The following TTC28 variants were observed in gnomAD, a reference collection of about 807,000 sequenced individuals.
TTC28 encodes tetratricopeptide repeat protein 28.
In TTC28, 61 loss-of-function variants were observed where a neutral mutation model predicts 198.0. The ratio of observed to expected loss-of-function variants is 0.31; its 90% CI spans 0.25 to 0.38. TTC28 has a LOEUF of 0.38. Among genes scored for constraint, TTC28 ranks in the 10% least tolerant of loss-of-function variants. The probability of loss-of-function intolerance (pLI) is 1.00; values close to 1 mark genes in which losing one functional copy is unlikely to be tolerated. For missense variants in TTC28, 2,678 were observed against 3,164.0 expected (o/e 0.85, Z 3.69); for synonymous variants, 1,171 against 1,297.8 (o/e 0.90, Z 2.10).
At chr22:28,335,038 G>A (rs915797077) in intron 2 of TTC28, among the ~76,000 whole-genome samples, 1 of 152,136 alleles carries the variant, frequency 6.6e-6, no homozygotes, top group Non-Finnish European at 1.5e-5. Context: ...TGTACAAGGT[G>A]TAAGGAAGGG....
At chr22:28,053,530 T>C (rs913012009) in intron 12 of TTC28, among the ~76,000 whole-genome samples, 3 of 152,168 alleles carry the variant, frequency 2.0e-5, no homozygotes, top group Non-Finnish European at 4.4e-5. Flanking sequence ...GCAAGGGAAA[T>C]AACAGCTTAG....
intron 1 of TTC28, among the ~76,000 whole-genome samples, chr22:28,673,523 C>A (rs1039120893): frequency 6.6e-6 from 1 of 152,146 alleles, no homozygotes; most frequent in Non-Finnish European, 1.5e-5. Flanking sequence ...GGACGTAGTT[C>A]AGAAAATGTT....
At chr22:28,340,209 C>T (rs975867404) in intron 2 of TTC28, among the ~76,000 whole-genome samples, 14 of 152,084 alleles carry the variant, frequency 9.2e-5, no homozygotes, top group Non-Finnish European at 2.1e-4. Flanking sequence ...TCTGGGGCTT[C>T]GTTCCATCAT....
At chr22:28,159,911 C>T (rs1418458369) in intron 6 of TTC28, among the ~76,000 whole-genome samples, 1 of 152,156 alleles carries the variant, frequency 6.6e-6, no homozygotes, top group Non-Finnish European at 1.5e-5. Context: ...CTGTCATCTG[C>T]AACAATATTG....
intron 2 of TTC28, among the ~76,000 whole-genome samples, chr22:28,447,738 A>G (rs1289152301): frequency 6.6e-6 from 1 of 152,216 alleles, no homozygotes; most frequent in Non-Finnish European, 1.5e-5. Flanking sequence ...GAAGGGAGAA[A>G]ATATATTTAT....
chr22:28,209,581 G>C (rs1313456719), intron 5 of TTC28, among the ~76,000 whole-genome samples: 1 of 152,194 alleles, frequency 6.6e-6, no homozygotes, highest in Non-Finnish European at 1.5e-5. Context: ...CAGCAGCGAG[G>C]CTGGGGGAGG....
At chr22:28,025,030 T>A (rs1425029944) in intron 13 of TTC28, among the ~76,000 whole-genome samples, 1 of 152,170 alleles carries the variant, frequency 6.6e-6, no homozygotes, top group African/African-American at 2.4e-5. Flanking sequence ...AAGCTGGGTA[T>A]GCAATCTTGG....
At chr22:28,616,322 T>C (rs1406405350) in intron 2 of TTC28, among the ~76,000 whole-genome samples, 2 of 152,206 alleles carry the variant, frequency 1.3e-5, no homozygotes, top group East Asian at 3.9e-4. Flanking sequence ...CTCACAAGAT[T>C]ATTGTGAGTA....
intron 2 of TTC28, among the ~76,000 whole-genome samples, chr22:28,310,720 T>A (rs2045241137): frequency 6.6e-6 from 1 of 152,208 alleles, no homozygotes; most frequent in African/African-American, 2.4e-5. Context: ...ACCTAGTACT[T>A]ATTTCAAGTA....
rs527499542 is a variant in TTC28, at chr22:28,123,560, C to T, written c.1442-15157G>A. Among the ~76,000 whole-genome samples, 152 of 152,308 alleles carry T rather than the reference C, an allele frequency of 1.0e-3. 4 individuals are homozygous for T. The South Asian group carries it at 0.03, about 30-fold the overall frequency. ...GCGTAAGCCACCACACCCAGCCTCC[C>T]GCTGTATCAGTTCTTCTCAATTCTA... is the stretch of plus-strand genomic sequence containing the variant. On this transcript the variant is annotated intron_variant, in intron 6 of 22. Transcript: ENST00000397906.
chr22:28,501,101 A>G (rs2048531544), intron 2 of TTC28, among the ~76,000 whole-genome samples: 1 of 152,176 alleles, frequency 6.6e-6, no homozygotes, highest in Non-Finnish European at 1.5e-5. Flanking sequence ...TCTGTAGAGC[A>G]CCTACTATAT....
intron 2 of TTC28, among the ~76,000 whole-genome samples, chr22:28,523,362 CAA>C (rs1471116779): frequency 6.6e-6 from 1 of 152,192 alleles, no homozygotes; most frequent in Non-Finnish European, 1.5e-5. Context: ...AAGGATATCA[CAA>C]TTCTAAATCT....
intron 19 of TTC28, among the ~76,000 whole-genome samples, chr22:27,991,945 A>G (rs1332405979): frequency 2.6e-5 from 4 of 152,190 alleles, no homozygotes; most frequent in Non-Finnish European, 5.9e-5. Flanking sequence ...CTTGGTGACT[A>G]TCTTGTTTCA....
At chr22:28,449,974 G>A (rs2047756332) in intron 2 of TTC28, among the ~76,000 whole-genome samples, 1 of 152,090 alleles carries the variant, frequency 6.6e-6, no homozygotes, top group East Asian at 1.9e-4. Context: ...CTGAAGTATA[G>A]ATCACAGAAA....
intron 5 of TTC28, among the ~76,000 whole-genome samples, chr22:28,252,720 A>G (rs1930611498): frequency 1.3e-5 from 2 of 152,292 alleles, no homozygotes; most frequent in South Asian, 2.1e-4. Context: ...GACTATGGGG[A>G]CAGGTGTGAT....
At chr22:27,993,617 G>A (rs1362169635) in intron 17 of TTC28, 99 bp from the exon 18 acceptor site, 2 of 1,254,142 alleles carry the variant, frequency 1.6e-6, no homozygotes, top group South Asian at 1.5e-5. Context: ...AAGCCAGGCT[G>A]ACTGCTGCAA....
At chr22:28,290,768 C>A (rs1299043740) in intron 5 of TTC28, among the ~76,000 whole-genome samples, 1 of 151,954 alleles carries the variant, frequency 6.6e-6, no homozygotes, top group Admixed American at 6.6e-5. Flanking sequence ...TCAAATTAGG[C>A]AGGCATGGTG....
At chr22:28,603,632 C>T (rs972473393) in intron 2 of TTC28, among the ~76,000 whole-genome samples, 1 of 152,000 alleles carries the variant, frequency 6.6e-6, no homozygotes, top group Non-Finnish European at 1.5e-5. Flanking sequence ...TGTCCTCAAG[C>T]GATTCTCCTG....
At chr22:28,579,626 ATG>A (rs71194778) in intron 2 of TTC28, among the ~76,000 whole-genome samples, 7,839 of 148,330 alleles carry the variant, frequency 0.053, 271 homozygotes, top group African/African-American at 0.096. Flanking sequence ...ACATATACAA[ATG>A]TGTGTGTGTG....
Sources: gnomAD v4.1 joint callset for allele counts (sites outside exome capture counted in the v4.1 genomes callset) on GRCh38, gnomAD v4.1.1 for gene constraint, MANE v1.5 for transcripts, NCBI Gene and HGNC (gene_info 2026-07-23, HGNC 2026-07-21) for gene names.